The following MYOM2 variants were observed in gnomAD, a reference collection of about 807,000 sequenced individuals.
The protein encoded by MYOM2 is myomesin-2.
In MYOM2, 254 loss-of-function variants were observed where a neutral mutation model predicts 187.6. The ratio of observed to expected loss-of-function variants is 1.35; its 90% CI spans 1.22 to 1.50. MYOM2 has a LOEUF of 1.50. Among genes scored for constraint, MYOM2 ranks in the 40% most tolerant of loss-of-function variants. MYOM2 has a pLI of 0.00. For missense variants in MYOM2, 2,796 were observed against 1,924.0 expected, an observed-to-expected ratio of 1.45 and a Z score of -8.48; for synonymous variants, 981 against 753.8, an observed-to-expected ratio of 1.30 and a Z score of -4.94.
At chr8:2,113,519 A>G (rs1231735475) in intron 25 of MYOM2, among the ~76,000 whole-genome samples, 1 of 152,106 alleles carries the variant, frequency 6.6e-6, no homozygotes, top group Non-Finnish European at 1.5e-5. Flanking sequence ...GGGAGGTCAA[A>G]GAGGGTGGTG....
At chr8:2,139,602 C>T (rs909822590) in intron 32 of MYOM2, among the ~76,000 whole-genome samples, 4 of 152,200 alleles carry the variant, frequency 2.6e-5, no homozygotes, top group Non-Finnish European at 4.4e-5. Flanking sequence ...ACAAGCACCA[C>T]AGCTGGCTCT....
In MYOM2 at chr8:2,046,674, G is replaced by A. The variant is rs138287089; in HGVS notation, c.-13+1506G>A. Among the ~76,000 whole-genome samples, 756 of 152,068 alleles carry A rather than the reference G, an allele frequency of 5.0e-3. 7 individuals are homozygous for A. Among genetic ancestry groups the A allele is most frequent in the African/African-American group, 0.017 (719 of 41,508 alleles). The stretch of plus-strand genomic sequence containing the variant: ...CACTGGAGTCTCAGCCTCCCAATGC[G>A]CCTGAGCCCCAGGGACTCACATCAA... On this transcript the variant is annotated intron_variant, in intron 1 of 36. Transcript: ENST00000262113.
At chr8:2,086,536 T>TCTCCACG (rs1796081420) in intron 14 of MYOM2, among the ~76,000 whole-genome samples, 3 of 151,868 alleles carry the variant, frequency 2.0e-5, no homozygotes, top group Admixed American at 6.6e-5. Context: ...ACTGTCGTGT[T>TCTCCACG]TGCTGTGTTT....
In MYOM2 at chr8:2,076,243, C is replaced by G. The variant is rs143093241; in HGVS notation, c.1223C>G (p.Thr408Ser). ...YVIVTWKPPN[T>S]TTESPVMGYF... ...ATCGTGACCTGGAAGCCGCCCAACA[C>G]CACCACTGAGAGCCCCGTCATGGGC... The change falls in exon 11 of 37, where the codon ACC becomes AGC. Residue 408 changes from threonine (T) to serine (S), a missense_variant. Transcript: ENST00000262113. 2.5e-6 allele frequency: 4 copies of G among 1,613,638 alleles called. No homozygotes were observed. In the African/African-American group the frequency reaches 4.0e-5, roughly 16 times the overall value.
chr8:2,145,032 A>G lies in MYOM2; in HGVS notation c.*51A>G, dbSNP rs1798415433. 1.3e-6 allele frequency: 2 copies of G among 1,593,390 alleles called. No homozygotes were observed. The highest frequency in any genetic ancestry group is 1.1e-5 in the South Asian group (1 of 89,736). On this transcript the variant is annotated 3_prime_UTR_variant, in exon 37 of 37. Transcript: ENST00000262113. ...GAAAATATGCTTGGCAGAGACAGGA[A>G]TGCTGTGTGCTTGTTCCAAATGAGC... is the stretch of plus-strand genomic sequence containing the variant.
In MYOM2 at chr8:2,144,652, T is replaced by G; in HGVS notation, c.4081-12T>G. 2 of 1,612,226 alleles carry G rather than the reference T, an allele frequency of 1.2e-6. No individual in the cohort carries two copies. Among genetic ancestry groups the G allele is most frequent in the East Asian group, 2.2e-5 (1 of 44,858 alleles). On this transcript the variant is annotated splice_polypyrimidine_tract_variant and intron_variant, in intron 36 of 36. Transcript: ENST00000262113. ...TAACTCTTCCTTCTCCACCAACCTC[T>G]TCCGTCCAAAGACCTTGAATCTGAC... is the stretch of plus-strand genomic sequence containing the variant.
At chr8:2,083,489 GGCATCTCATGTGTGACTAGCA>G (rs1819704937) in intron 13 of MYOM2, among the ~76,000 whole-genome samples, 1 of 151,916 alleles carries the variant, frequency 6.6e-6, no homozygotes, top group Admixed American at 6.6e-5. Flanking sequence ...TATGTCTAAT[GGCATCTCATGTGTGACTAGCA>G]GCATCTCACG....
intron 32 of MYOM2, among the ~76,000 whole-genome samples, chr8:2,140,074 C>T (rs913904321): frequency 1.3e-5 from 2 of 152,106 alleles, no homozygotes; most frequent in Non-Finnish European, 2.9e-5. Flanking sequence ...GTCCCCATTC[C>T]CCTCCCCCAG....
chr8:2,048,861 C>T (rs1174135799), intron 1 of MYOM2, among the ~76,000 whole-genome samples: 1 of 151,164 alleles, frequency 6.6e-6, no homozygotes, highest in African/African-American at 2.4e-5. Flanking sequence ...GCGATCTCGG[C>T]TCACTGCAAG....
At chr8:2,144,307 A>C (rs545902600) in intron 36 of MYOM2, among the ~76,000 whole-genome samples, 1 of 152,144 alleles carries the variant, frequency 6.6e-6, no homozygotes, top group East Asian at 1.9e-4. Flanking sequence ...CCATAACTCT[A>C]AATAGAAAGG....
At position 2,100,985 on chromosome 8, in the gene MYOM2, C is replaced by G; in HGVS notation, c.2550C>G (p.Asp850Glu). The change falls in exon 20 of 37, where the codon GAC (aspartate) becomes GAG (glutamate). Residue 850 changes from aspartate (D) to glutamate (E), a missense_variant. Asp to Glu is a conservative substitution (Grantham distance 45). Coordinates refer to ENST00000262113, the MANE Select transcript of MYOM2 (RefSeq NM_003970.4). ...GSSPVSGYFV[D>E]FREEDAGEWI... is the part of the protein sequence containing the mutation. The stretch of plus-strand genomic sequence containing the variant: ...GCCCTGTTTCTGGATATTTCGTGGA[C>G]TTCAGGGAGGAGGATGCTGGAGAGT... The G allele has an allele frequency of 6.2e-7, 1 of 1,614,146 alleles. No homozygotes were observed. Among genetic ancestry groups the G allele is most frequent in the Non-Finnish European group, 8.5e-7 (1 of 1,180,032 alleles).
chr8:2,089,866 A>G (rs1796234802), intron 14 of MYOM2, 142 bp from the exon 15 acceptor site: 1 of 606,564 alleles, frequency 1.6e-6, no homozygotes, highest in Non-Finnish European at 2.7e-6. Flanking sequence ...AAAAAGATGC[A>G]TGACCATCCT....
At chr8:2,124,864 G>A (rs1171398321) in intron 31 of MYOM2, among the ~76,000 whole-genome samples, 1 of 152,118 alleles carries the variant, frequency 6.6e-6, no homozygotes, top group Non-Finnish European at 1.5e-5. Context: ...TATTTTTCAA[G>A]TATCTGTTGG....
At chr8:2,075,623 G>A (rs1819390456) in intron 10 of MYOM2, among the ~76,000 whole-genome samples, 1 of 152,212 alleles carries the variant, frequency 6.6e-6, no homozygotes, top group Non-Finnish European at 1.5e-5. Flanking sequence ...TTTTCATGCA[G>A]CTGTAATTAA....
At chr8:2,052,427 A>T in intron 3 of MYOM2, 114 bp downstream of exon 3, 5 of 1,163,092 alleles carry the variant, frequency 4.3e-6, no homozygotes, top group Non-Finnish European at 4.6e-6. Flanking sequence ...CAAGGAACAC[A>T]GGCCATGCCT....
In MYOM2 at chr8:2,106,533, G is replaced by A; in HGVS notation, c.2934G>A (p.Gly978=). 2 of 1,612,536 alleles carry A rather than the reference G, an allele frequency of 1.2e-6. No individual in the cohort carries two copies. The highest frequency in any genetic ancestry group is 1.7e-6 in the Non-Finnish European group (2 of 1,178,652). ...YLKNPDKEDL[G]TYSVSVSDTD... is the part of the protein sequence containing the mutation. ...AGAATCCGGATAAGGAGGATTTAGGGACTTACTCCGTGTCTGTAAGTGATA... is the reference window on the plus strand; with the variant it reads ...AGAATCCGGATAAGGAGGATTTAGGAACTTACTCCGTGTCTGTAAGTGATA... The change falls in exon 23 of 37, where the codon GGG becomes GGA. Residue 978 remains glycine (G), a synonymous_variant. Transcript: ENST00000262113.
intron 1 of MYOM2, among the ~76,000 whole-genome samples, chr8:2,049,336 G>A (rs567688364): frequency 2.2e-4 from 34 of 152,254 alleles, no homozygotes; most frequent in African/African-American, 6.7e-4. Context: ...TCTGGCCCTC[G>A]TGTCCTGTTT....
At chr8:2,109,227 G>T in intron 24 of MYOM2, 168 bp from the exon 25 acceptor site, 1 of 799,626 alleles carries the variant, frequency 1.3e-6, no homozygotes, top group Non-Finnish European at 1.9e-6. Context: ...GCAACAACAG[G>T]CCAGCTCAAG....
chr8:2,071,164 T>A (rs1490901527), intron 8 of MYOM2, among the ~76,000 whole-genome samples: 2 of 151,912 alleles, frequency 1.3e-5, no homozygotes, highest in African/African-American at 4.8e-5. Context: ...TTTTTATTTT[T>A]TTTTGCATTT....
Sources: gnomAD v4.1 joint callset for allele counts (sites outside exome capture counted in the v4.1 genomes callset) on GRCh38, gnomAD v4.1.1 for gene constraint, MANE v1.5 for transcripts, NCBI Gene and HGNC (gene_info 2026-07-23, HGNC 2026-07-21) for gene names.